PRKG1: variants seen among roughly 807,000 people sequenced by gnomAD.
PRKG1 encodes the protein cGMP-dependent protein kinase 1.
Under a neutral mutation model 88.1 loss-of-function variants are expected in PRKG1, and 35 were observed. The ratio of observed to expected loss-of-function variants is 0.40; its 90% confidence interval spans 0.30 to 0.53. The LOEUF is 0.53. Among genes scored for constraint, PRKG1 ranks in the 20% least tolerant of loss-of-function variants. The probability of loss-of-function intolerance (pLI) is 0.59; values close to 1 mark genes in which losing one functional copy is unlikely to be tolerated. For synonymous variants in PRKG1, 303 were observed against 292.5 expected (o/e 1.04, Z -0.37); for missense variants, 540 against 839.8 (o/e 0.64, Z 4.41).
rs537674497 is a variant in PRKG1, at chr10:51,638,690, G to A, written c.593-165895G>A. Among the ~76,000 whole-genome samples, 3 of 152,296 alleles carry A rather than the reference G, an allele frequency of 2.0e-5. No homozygotes were observed. In the South Asian group the frequency reaches 6.2e-4, roughly 32 times the overall value. On this transcript the variant is annotated intron_variant, in intron 3 of 17. Transcript: ENST00000373980. ...AGTTACAATGGGAATAATATGTGCA[G>A]GAGAGCCTGTCTCTTCAGTGGAATC...
At chr10:51,031,192 G>C (rs1318820592) in intron 1 of PRKG1, among the ~76,000 whole-genome samples, 2 of 152,046 alleles carry the variant, frequency 1.3e-5, no homozygotes, top group Non-Finnish European at 2.9e-5. Flanking sequence ...CAAATTTCTA[G>C]GTGGTAGATT....
At position 51,893,472 on chromosome 10, in the gene PRKG1, G is replaced by A. The variant is rs578105472; in HGVS notation, c.699-14035G>A. On this transcript the variant is annotated intron_variant, in intron 4 of 17. Coordinates refer to ENST00000373980, the MANE Select transcript of PRKG1 (RefSeq NM_006258.4). ...CAGAGAGTGAATGGGCTGAATTTCA[G>A]CCCTCACTCAGGCCCCCTGCAGGTG... is the stretch of plus-strand genomic sequence containing the variant. Among the ~76,000 whole-genome samples, 147 of 152,226 alleles carry A rather than the reference G, an allele frequency of 9.7e-4. 1 individual carries two copies. The South Asian group carries it at 0.03, about 31-fold the overall frequency.
intron 2 of PRKG1, among the ~76,000 whole-genome samples, chr10:51,315,998 A>G (rs979975238): frequency 4.6e-5 from 7 of 152,238 alleles, no homozygotes; most frequent in African/African-American, 1.2e-4. Flanking sequence ...GGTCAGGGAT[A>G]GATGAGGTTA....
intron 10 of PRKG1, among the ~76,000 whole-genome samples, chr10:52,265,887 G>T (rs1165321608): frequency 6.6e-6 from 1 of 151,972 alleles, no homozygotes; most frequent in Non-Finnish European, 1.5e-5. Context: ...ACAATGTACT[G>T]TAAATGAAAC....
intron 5 of PRKG1, among the ~76,000 whole-genome samples, chr10:52,006,529 C>T (rs1241195948): frequency 1.3e-5 from 2 of 152,044 alleles, no homozygotes; most frequent in South Asian, 2.1e-4. Flanking sequence ...GAAAAAATTT[C>T]AGAGCTCAAA....
intron 1 of PRKG1, among the ~76,000 whole-genome samples, chr10:51,032,484 C>A (rs1843296626): frequency 6.6e-6 from 1 of 152,038 alleles, no homozygotes; most frequent in South Asian, 2.1e-4. Flanking sequence ...TGGTGCCAGC[C>A]ATGGTGGCTC....
chr10:52,205,801 C>T (rs1399962554), intron 9 of PRKG1, among the ~76,000 whole-genome samples: 2 of 152,062 alleles, frequency 1.3e-5, no homozygotes, highest in East Asian at 3.9e-4. Context: ...TGATGGGATT[C>T]CTTTTGTAGG....
At chr10:52,157,272 A>G (rs1282541604) in intron 8 of PRKG1, among the ~76,000 whole-genome samples, 2 of 145,418 alleles carry the variant, frequency 1.4e-5, no homozygotes, top group African/African-American at 5.0e-5. Flanking sequence ...ATATATACAC[A>G]TATATACATA....
intron 3 of PRKG1, among the ~76,000 whole-genome samples, chr10:51,506,931 G>A (rs1589027736): frequency 6.6e-6 from 1 of 152,132 alleles, no homozygotes; most frequent in Non-Finnish European, 1.5e-5. Flanking sequence ...ACTAGATTAA[G>A]AAAATATGAC....
chr10:52,250,371 G>C (rs370093262), intron 9 of PRKG1, among the ~76,000 whole-genome samples: 21 of 152,168 alleles, frequency 1.4e-4, no homozygotes, highest in African/African-American at 5.1e-4. Context: ...GTAAATTGAA[G>C]AATGCAGAAA....
At chr10:51,263,320 T>A (rs1839760414) in intron 2 of PRKG1, among the ~76,000 whole-genome samples, 1 of 152,252 alleles carries the variant, frequency 6.6e-6, no homozygotes, top group South Asian at 2.1e-4. Flanking sequence ...ATCAACGATA[T>A]CCCAGTGACT....
At chr10:51,994,682 A>G (rs550256840) in intron 5 of PRKG1, among the ~76,000 whole-genome samples, 1 of 152,124 alleles carries the variant, frequency 6.6e-6, no homozygotes, top group Non-Finnish European at 1.5e-5. Flanking sequence ...CCCTAGAACT[A>G]TGTGCTATTT....
At chr10:51,078,365 C>A (rs139929210) in intron 1 of PRKG1, among the ~76,000 whole-genome samples, 1 of 149,458 alleles carries the variant, frequency 6.7e-6, no homozygotes, top group Non-Finnish European at 1.5e-5. Flanking sequence ...ATTACAGGCA[C>A]GTGCCACCAA....
chr10:52,019,390 G>C (rs1845124755), intron 5 of PRKG1, among the ~76,000 whole-genome samples: 1 of 152,146 alleles, frequency 6.6e-6, no homozygotes, highest in South Asian at 2.1e-4. Context: ...AGACTCACAG[G>C]TTTTTGAGAA....
intron 5 of PRKG1, among the ~76,000 whole-genome samples, chr10:51,912,326 G>A (rs1842236504): frequency 6.6e-6 from 1 of 152,186 alleles, no homozygotes; most frequent in Non-Finnish European, 1.5e-5. Flanking sequence ...TATTCTAAAT[G>A]TAATGGGGAG....
chr10:51,750,551 C>G (rs565157635), intron 3 of PRKG1, among the ~76,000 whole-genome samples: 13 of 152,226 alleles, frequency 8.5e-5, no homozygotes, highest in Non-Finnish European at 1.8e-4. Flanking sequence ...AAAAAATGTA[C>G]TTTTGCTATT....
rs1233016415 is a variant in PRKG1 at position 51,175,831 on chromosome 10, CAA to C, written c.478+22502_478+22503del. Among the ~76,000 whole-genome samples the C allele has an allele frequency of 1.2e-4, 18 of 152,162 alleles. No individual in the cohort carries two copies. The South Asian group carries it at 3.7e-3, about 32-fold the overall frequency. ...TGATGGCCAGCAATCTGTGCTTTATCAAGTCTTGAGTCTGATCCTGTTTCTGA... is the reference window on the plus strand; with the variant it reads ...TGATGGCCAGCAATCTGTGCTTTATCGTCTTGAGTCTGATCCTGTTTCTGA... On this transcript the variant is annotated intron_variant, in intron 2 of 17. Coordinates refer to ENST00000373980, the MANE Select transcript of PRKG1 (RefSeq NM_006258.4).
chr10:51,015,605 G>A (rs1450265593), intron 1 of PRKG1, among the ~76,000 whole-genome samples: 1 of 152,222 alleles, frequency 6.6e-6, no homozygotes, highest in Non-Finnish European at 1.5e-5. Flanking sequence ...GCATAGAGGA[G>A]GCTGGGCTTG....
At chr10:51,737,598 C>T (rs1278051786) in intron 3 of PRKG1, among the ~76,000 whole-genome samples, 1 of 152,022 alleles carries the variant, frequency 6.6e-6, no homozygotes, top group Non-Finnish European at 1.5e-5. Flanking sequence ...TGTTGCTTGC[C>T]TGGTTTGTGC....
Sources: gnomAD v4.1 joint callset for allele counts (sites outside exome capture counted in the v4.1 genomes callset) on GRCh38, gnomAD v4.1.1 for gene constraint, MANE v1.5 for transcripts, NCBI Gene and HGNC (gene_info 2026-07-23, HGNC 2026-07-21) for gene names.